The following CTNNA2 variants were observed in gnomAD, a reference collection of about 807,000 sequenced individuals.
CTNNA2 encodes the protein catenin alpha-2.
A neutral mutation model predicts 101.0 loss-of-function variants in CTNNA2; 42 were observed. That is an observed-to-expected ratio of 0.42 (90% CI 0.32 to 0.54). The LOEUF (loss-of-function observed/expected upper bound fraction) is 0.54. CTNNA2 is among the 20% of genes least tolerant of loss of function. CTNNA2 has a pLI of 0.14. For synonymous variants in CTNNA2, 450 were observed against 456.4 expected, an observed-to-expected ratio of 0.99 and a Z score of 0.18; for missense variants, 871 against 1,223.1, an observed-to-expected ratio of 0.71 and a Z score of 4.29.
chr2:79,956,492 A>G (rs1368042824), intron 7 of CTNNA2, among the ~76,000 whole-genome samples: 2 of 152,316 alleles, frequency 1.3e-5, no homozygotes, highest in African/African-American at 2.4e-5. Context: ...CTTTATCAAT[A>G]TAAAGTATTC....
chr2:80,286,563 A>G (rs1247434365), intron 7 of CTNNA2, among the ~76,000 whole-genome samples: 4 of 152,228 alleles, frequency 2.6e-5, no homozygotes, highest in Admixed American at 2.6e-4. Flanking sequence ...GCGCTTAGCC[A>G]GTGTTTCCCT....
At chr2:79,577,504 C>A (rs1675871247) in intron 1 of CTNNA2, among the ~76,000 whole-genome samples, 1 of 152,008 alleles carries the variant, frequency 6.6e-6, no homozygotes, top group Non-Finnish European at 1.5e-5. Context: ...GAGGCTATTA[C>A]AAATTATTTC....
chr2:80,266,471 C>T (rs546399102), intron 7 of CTNNA2, among the ~76,000 whole-genome samples: 43 of 152,324 alleles, frequency 2.8e-4, no homozygotes, highest in Admixed American at 1.8e-3. Flanking sequence ...GCCAGCTTTT[C>T]GCCTACAGGG....
intron 1 of CTNNA2, among the ~76,000 whole-genome samples, chr2:79,193,313 T>C (rs1029958334): frequency 3.9e-5 from 6 of 152,212 alleles, no homozygotes; most frequent in African/African-American, 1.4e-4. Context: ...CCTATGTGAC[T>C]GTGGTCCCAT....
At chr2:79,922,924 T>C (rs1161108733) in intron 7 of CTNNA2, among the ~76,000 whole-genome samples, 1 of 152,184 alleles carries the variant, frequency 6.6e-6, no homozygotes, top group African/African-American at 2.4e-5. Context: ...GGTATTCTAT[T>C]CTCTCCATTT....
intron 2 of CTNNA2, among the ~76,000 whole-genome samples, chr2:79,289,293 G>C (rs1055767323): frequency 6.6e-6 from 1 of 152,112 alleles, no homozygotes. Context: ...GGGTTGTTTT[G>C]TTTTGTTTTG....
intron 2 of CTNNA2, among the ~76,000 whole-genome samples, chr2:79,676,610 A>G (rs991356418): frequency 6.6e-6 from 1 of 152,136 alleles, no homozygotes; most frequent in African/African-American, 2.4e-5. Flanking sequence ...TACTCTGTCC[A>G]GATGCCCCCT....
intron 2 of CTNNA2, among the ~76,000 whole-genome samples, chr2:79,253,439 A>G (rs1194998239): frequency 2.6e-5 from 4 of 152,212 alleles, no homozygotes; most frequent in Admixed American, 2.6e-4. Context: ...GTGCATGTTA[A>G]TGATCAAAAT....
intron 3 of CTNNA2, among the ~76,000 whole-genome samples, chr2:79,340,823 G>A (rs1398774824): frequency 5.0e-4 from 47 of 94,832 alleles, no homozygotes; most frequent in Admixed American, 7.4e-4. Context: ...TACAGAGCGA[G>A]ACTCAGTCTC....
At chr2:80,541,996 T>A (rs529260580) in intron 9 of CTNNA2, among the ~76,000 whole-genome samples, 19 of 151,296 alleles carry the variant, frequency 1.3e-4, no homozygotes, top group Non-Finnish European at 2.5e-4. Flanking sequence ...TAATGGCGAA[T>A]CTTGTTTTTT....
intron 4 of CTNNA2, among the ~76,000 whole-genome samples, chr2:79,379,368 G>A (rs894003325): frequency 6.6e-6 from 1 of 152,140 alleles, no homozygotes; most frequent in Non-Finnish European, 1.5e-5. Flanking sequence ...TGAAATACAT[G>A]TAGAAATCTC....
chr2:79,816,811 A>G (rs1022760600), intron 3 of CTNNA2, among the ~76,000 whole-genome samples: 1 of 152,130 alleles, frequency 6.6e-6, no homozygotes, highest in African/African-American at 2.4e-5. Context: ...TATTATTCCC[A>G]TTTTGTAATG....
At chr2:79,626,019 G>A (rs1356672411) in intron 1 of CTNNA2, among the ~76,000 whole-genome samples, 1 of 152,118 alleles carries the variant, frequency 6.6e-6, no homozygotes, top group Non-Finnish European at 1.5e-5. Context: ...GGAATGGGTG[G>A]TTGTAGGTGT....
intron 7 of CTNNA2, among the ~76,000 whole-genome samples, chr2:80,256,716 G>A (rs1286222543): frequency 6.6e-6 from 1 of 152,130 alleles, no homozygotes; most frequent in African/African-American, 2.4e-5. Flanking sequence ...GCGGCGATCT[G>A]GAATGTTTCA....
chr2:79,877,756 C>A (rs950883669), intron 6 of CTNNA2, among the ~76,000 whole-genome samples: 2 of 152,012 alleles, frequency 1.3e-5, no homozygotes, highest in African/African-American at 4.8e-5. Flanking sequence ...ATAAGTTTAA[C>A]GTCTTTGAAA....
intron 6 of CTNNA2, among the ~76,000 whole-genome samples, chr2:79,875,145 C>T (rs1328946652): frequency 6.6e-6 from 1 of 152,086 alleles, no homozygotes; most frequent in Non-Finnish European, 1.5e-5. Context: ...GTAGGTGTGT[C>T]CTGGTGAGGG....
chr2:79,529,766 C>T (rs764896988), intron 1 of CTNNA2, among the ~76,000 whole-genome samples: 2 of 151,856 alleles, frequency 1.3e-5, no homozygotes, highest in African/African-American at 4.8e-5. Flanking sequence ...AAAGCATACA[C>T]AAGCAAAGAG....
At chr2:79,740,422 G>C (rs1453837845) in intron 2 of CTNNA2, among the ~76,000 whole-genome samples, 3 of 152,114 alleles carry the variant, frequency 2.0e-5, no homozygotes, top group Non-Finnish European at 4.4e-5. Flanking sequence ...TATTTGGTTA[G>C]TTATAAGATT....
At chr2:79,671,336 C>T (rs1267904500) in intron 2 of CTNNA2, among the ~76,000 whole-genome samples, 1 of 152,360 alleles carries the variant, frequency 6.6e-6, no homozygotes, top group East Asian at 1.9e-4. Context: ...TGGATGCTTT[C>T]ATGCTAGTAC....
Sources: allele counts gnomAD v4.1 joint callset (sites outside exome capture counted in the v4.1 genomes callset), GRCh38; gene constraint gnomAD v4.1.1; transcripts MANE v1.5; gene names NCBI Gene and HGNC (gene_info 2026-07-23, HGNC 2026-07-21).